The following SLC25A18 variants were observed in gnomAD, a reference collection of about 807,000 sequenced individuals.
SLC25A18 encodes the protein mitochondrial glutamate carrier 2.
SLC25A18 carries 24 observed loss-of-function variants against 31.1 expected under a neutral mutation model. The observed-to-expected ratio is 0.77, with a 90% CI of 0.56 to 1.08. The LOEUF is 1.08. Ranked by LOEUF, SLC25A18 falls within the 50% of genes least tolerant of loss-of-function variation. The probability of loss-of-function intolerance (pLI) is 0.00; values close to 1 mark genes in which losing one functional copy is unlikely to be tolerated. For synonymous variants in SLC25A18, 173 were observed against 161.9 expected, an observed-to-expected ratio of 1.07 and a Z score of -0.52; for missense variants, 371 against 418.5, an observed-to-expected ratio of 0.89 and a Z score of 0.99.
At chr22:17,566,390 C>A (rs2056937315) in intron 1 of SLC25A18, among the ~76,000 whole-genome samples, 1 of 152,044 alleles carries the variant, frequency 6.6e-6, no homozygotes, top group Non-Finnish European at 1.5e-5. Flanking sequence ...CACATCTCTT[C>A]CCTCCTGTGA....
intron 1 of SLC25A18, among the ~76,000 whole-genome samples, chr22:17,567,569 G>A (rs973405223): frequency 1.3e-5 from 2 of 151,198 alleles, no homozygotes; most frequent in Admixed American, 6.6e-5. Context: ...TGGCAGCAGG[G>A]CCCTGTTTCA....
chr22:17,587,259 G>T lies in SLC25A18; in HGVS notation c.533G>T (p.Gly178Val), dbSNP rs1173418411. The change falls in exon 8 of 11, where the codon GGC (glycine) becomes GTC (valine). Residue 178 changes from glycine (G) to valine (V), a missense_variant. Transcript: ENST00000327451. ...GCCTGGGAGCTGCTCCGCACTCAGG[G>T]CCTGGCTGGGCTCTACAGGGGCCTG... ...LIAWELLRTQ[G>V]LAGLYRGLGA... 6.2e-7 allele frequency: 1 copy of T among 1,613,778 alleles called. No homozygotes were observed. The highest frequency in any genetic ancestry group is 1.3e-5 in the African/African-American group (1 of 74,950).
At chr22:17,573,311 A>G (rs1042660178) in intron 2 of SLC25A18, among the ~76,000 whole-genome samples, 3 of 152,060 alleles carry the variant, frequency 2.0e-5, no homozygotes, top group African/African-American at 4.8e-5. Flanking sequence ...TAGCCTCTGA[A>G]TGCTGCTGAG....
At position 17,569,989 on chromosome 22, in the gene SLC25A18, A is replaced by G; in HGVS notation, c.-201+3A>G. On this transcript the variant is annotated splice_donor_region_variant and intron_variant, in intron 2 of 10. Transcript: ENST00000327451. The stretch of plus-strand genomic sequence containing the variant: ...GCAGAGGTTCTTACCGAAAGCAGGT[A>G]AGTGTCTTGTCTGTCTGCATCAAGC... 6 of 985,450 alleles carry G rather than the reference A, an allele frequency of 6.1e-6. No homozygotes were observed. Among genetic ancestry groups the G allele is most frequent in the Non-Finnish European group, 7.2e-6 (6 of 829,942 alleles). The allele number at this position is 985,450 out of a possible 1,614,324, so 61.0% of individuals were successfully genotyped here.
At chr22:17,577,258 G>A (rs1261101661) in intron 2 of SLC25A18, among the ~76,000 whole-genome samples, 3 of 152,128 alleles carry the variant, frequency 2.0e-5, no homozygotes, top group Non-Finnish European at 2.9e-5. Flanking sequence ...TCCTGGCCCT[G>A]TGATCCGCCC....
chr22:17,584,500 C>A (rs181933489), intron 7 of SLC25A18, among the ~76,000 whole-genome samples: 7 of 151,050 alleles, frequency 4.6e-5, no homozygotes, highest in Admixed American at 2.0e-4. Context: ...AGAAATGCCG[C>A]CCAGCGTGGT....
At chr22:17,580,670 G>T in intron 3 of SLC25A18, 1 of 1,027,860 alleles carries the variant, frequency 9.7e-7, no homozygotes, top group South Asian at 4.4e-5. Context: ...CTGACCTTCA[G>T]TCCGTTTGTG....
chr22:17,577,577 C>T (rs2057261031), intron 2 of SLC25A18, among the ~76,000 whole-genome samples: 6 of 132,644 alleles, frequency 4.5e-5, no homozygotes, highest in African/African-American at 5.7e-5. Flanking sequence ...TGTGTCCTGT[C>T]TATTTTTTTT....
chr22:17,576,111 T>TGGGA (rs1212746720), intron 2 of SLC25A18, among the ~76,000 whole-genome samples: 2 of 152,046 alleles, frequency 1.3e-5, no homozygotes, highest in African/African-American at 4.8e-5. Context: ...CCCAGCACTT[T>TGGGA]GGGAGGCTGA....
chr22:17,582,245 G>C (rs190776415), intron 5 of SLC25A18: 1 of 181,566 alleles, frequency 5.5e-6, no homozygotes, highest in African/African-American at 2.4e-5. Context: ...GCGTGGTGGC[G>C]GGCGCCTGTA....
At position 17,588,188 on chromosome 22, in the gene SLC25A18, G is replaced by C; in HGVS notation, c.730+109G>C. Reference sequence around the variant, plus strand: ...ATACTGGGTTGCAATCTGGCTGCTGGCGGAGGCTCACTAGAGGCCCTCATG... The same window carrying C: ...ATACTGGGTTGCAATCTGGCTGCTGCCGGAGGCTCACTAGAGGCCCTCATG... On this transcript the variant is annotated intron_variant, in intron 9 of 10. Transcript: ENST00000327451. The C allele has an allele frequency of 5.2e-6, 7 of 1,355,926 alleles. No homozygotes were observed. In the South Asian group the frequency reaches 9.8e-5, roughly 19 times the overall value. 84.0% of individuals were successfully genotyped at this position (1,355,926 alleles called of 1,614,324 possible).
chr22:17,565,874 TAAAG>T (rs2056924034), intron 1 of SLC25A18, among the ~76,000 whole-genome samples: 1 of 151,864 alleles, frequency 6.6e-6, no homozygotes, highest in Non-Finnish European at 1.5e-5. Context: ...TCTCAAAAAA[TAAAG>T]AGATGGGGTC....
Position 17,587,280 on chromosome 22 carries a change from G to A in SLC25A18, c.554G>A (p.Gly185Asp). ...RTQGLAGLYR[G>D]LGATLLRDIP... ...CAGGGCCTGGCTGGGCTCTACAGGGGCCTGGGTGCCACTCTCCTCAGGTGA... is the reference window on the plus strand; with the variant it reads ...CAGGGCCTGGCTGGGCTCTACAGGGACCTGGGTGCCACTCTCCTCAGGTGA... Residue 185 changes from glycine to aspartate, a missense_variant, in exon 8 of 11, where the codon GGC (glycine) becomes GAC (aspartate). Gly to Asp is a moderately conservative substitution (Grantham distance 94). Coordinates refer to ENST00000327451, the MANE Select transcript of SLC25A18 (RefSeq NM_031481.3). 5 of 1,612,754 alleles carry A rather than the reference G, an allele frequency of 3.1e-6. No individual in the cohort carries two copies. The highest frequency in any genetic ancestry group is 3.4e-6 in the Non-Finnish European group (4 of 1,179,752).
At chr22:17,587,371 C>T in intron 8 of SLC25A18, 70 bp downstream of exon 8, 1 of 1,507,926 alleles carries the variant, frequency 6.6e-7, no homozygotes, top group Non-Finnish European at 8.9e-7. Flanking sequence ...AGCTGGTTGT[C>T]CCTATCTGCC....
chr22:17,590,313 A>G lies in SLC25A18; in HGVS notation c.*77A>G. The G allele has an allele frequency of 6.3e-7, 1 of 1,584,412 alleles. No homozygotes were observed. ...CACTTAGCCTAGAGGGGGCAAGGGC[A>G]GGTGGGGCCACTCTGGCCTGCCTGG... On this transcript the variant is annotated 3_prime_UTR_variant, in exon 11 of 11. Coordinates refer to ENST00000327451, the MANE Select transcript of SLC25A18 (RefSeq NM_031481.3).
chr22:17,582,484 G>C, intron 5 of SLC25A18, 79 bp from the exon 6 acceptor site: 13 of 1,261,422 alleles, frequency 1.0e-5, no homozygotes, highest in Non-Finnish European at 1.3e-5. Flanking sequence ...GGACTGGCCT[G>C]GCTAGGGCTG....
intron 2 of SLC25A18, among the ~76,000 whole-genome samples, chr22:17,571,630 C>T (rs1219279331): frequency 5.3e-5 from 8 of 151,764 alleles, no homozygotes; most frequent in East Asian, 1.9e-4. Flanking sequence ...TGATGGAGCA[C>T]GCCTGTAATC....
intron 7 of SLC25A18, among the ~76,000 whole-genome samples, chr22:17,584,446 G>GGAGA (rs60872688): frequency 0.026 from 3,039 of 116,860 alleles, 245 homozygotes; most frequent in East Asian, 0.19. Flanking sequence ...AAGGAAGGAA[G>GGAGA]GAGAGAGAGA....
intron 7 of SLC25A18, chr22:17,584,007 TAGC>T (rs2057452755): frequency 2.1e-6 from 2 of 958,856 alleles, no homozygotes; most frequent in South Asian, 9.7e-5. Context: ...CTAGAACAAA[TAGC>T]AGAAATGAGA....
Sources: gnomAD v4.1 joint callset for allele counts (sites outside exome capture counted in the v4.1 genomes callset) on GRCh38, gnomAD v4.1.1 for gene constraint, MANE v1.5 for transcripts, NCBI Gene and HGNC (gene_info 2026-07-23, HGNC 2026-07-21) for gene names.